EFCAB11: variants seen among roughly 807,000 people sequenced by gnomAD.
EFCAB11 encodes the protein EF-hand calcium-binding domain-containing protein 11.
Under a neutral mutation model 23.0 loss-of-function variants are expected in EFCAB11, and 14 were observed. That is an observed-to-expected ratio of 0.61 (90% CI 0.40 to 0.95). EFCAB11 has a LOEUF of 0.95. EFCAB11 is among the 40% of genes least tolerant of loss of function. The pLI is 0.00. For synonymous variants in EFCAB11, 65 were observed against 66.6 expected, an observed-to-expected ratio of 0.98 and a Z score of 0.11; for missense variants, 198 against 195.8, an observed-to-expected ratio of 1.01 and a Z score of -0.07.
intron 5 of EFCAB11, chr14:89,924,228 T>C (rs2042459643): frequency 1.0e-6 from 1 of 990,124 alleles, no homozygotes; most frequent in African/African-American, 1.7e-5. Flanking sequence ...TCCTATGTCC[T>C]TTGACCTTCC....
chr14:89,950,437 T>C (rs1001521950), intron 2 of EFCAB11, among the ~76,000 whole-genome samples: 4 of 152,198 alleles, frequency 2.6e-5, no homozygotes, highest in African/African-American at 9.6e-5. Context: ...TAATATAATC[T>C]AACAGGCAGG....
intron 5 of EFCAB11, among the ~76,000 whole-genome samples, chr14:89,798,111 T>C (rs1885637115): frequency 6.6e-6 from 1 of 152,218 alleles, no homozygotes; most frequent in African/African-American, 2.4e-5. Flanking sequence ...AAGCAAAGAC[T>C]GGCCCAAGCA....
At chr14:89,927,983 A>G (rs937843060) in intron 5 of EFCAB11, among the ~76,000 whole-genome samples, 2 of 152,184 alleles carry the variant, frequency 1.3e-5, no homozygotes, top group African/African-American at 2.4e-5. Flanking sequence ...TCGGCCTCCC[A>G]AAGTGCTGGG....
intron 5 of EFCAB11, among the ~76,000 whole-genome samples, chr14:89,897,249 C>T (rs1229642648): frequency 2.0e-5 from 3 of 149,624 alleles, no homozygotes; most frequent in Admixed American, 1.3e-4. Flanking sequence ...GCTCTGTCAC[C>T]CAGGCTGGAG....
chr14:89,835,070 T>C (rs1211566427), intron 5 of EFCAB11, among the ~76,000 whole-genome samples: 1 of 152,176 alleles, frequency 6.6e-6, no homozygotes, highest in African/African-American at 2.4e-5. Context: ...TTTGATGACT[T>C]CTATTTTCTT....
intron 5 of EFCAB11, among the ~76,000 whole-genome samples, chr14:89,925,091 G>A (rs1017262956): frequency 6.6e-6 from 1 of 152,228 alleles, no homozygotes; most frequent in East Asian, 1.9e-4. Context: ...ACAATGCAGA[G>A]AAAGAAAGGC....
In EFCAB11 at chr14:89,871,609, T is replaced by C. The variant is rs891387176; in HGVS notation, c.410+59932A>G. Among the ~76,000 whole-genome samples the C allele has an allele frequency of 3.9e-5, 6 of 152,212 alleles. No individual in the cohort carries two copies. In the South Asian group the frequency reaches 8.3e-4, roughly 21 times the overall value. On this transcript the variant is annotated intron_variant, in intron 5 of 5. Transcript: ENST00000316738. ...CCCCTACTTTGCATTATCCTATAATTTGCACCTTTTCCTCCCAAATCTGCC... is the reference window on the plus strand; with the variant it reads ...CCCCTACTTTGCATTATCCTATAATCTGCACCTTTTCCTCCCAAATCTGCC...
At chr14:89,870,790 A>T (rs1337677613) in intron 5 of EFCAB11, among the ~76,000 whole-genome samples, 1 of 139,126 alleles carries the variant, frequency 7.2e-6, no homozygotes, top group African/African-American at 2.8e-5. Flanking sequence ...AAAAAAAAAA[A>T]ATTAGCCAGG....
At chr14:89,933,322 C>T (rs888307098) in intron 3 of EFCAB11, among the ~76,000 whole-genome samples, 5 of 152,092 alleles carry the variant, frequency 3.3e-5, no homozygotes, top group Non-Finnish European at 5.9e-5. Flanking sequence ...GTTTAAAGAG[C>T]GAAGCCAAGA....
intron 5 of EFCAB11, among the ~76,000 whole-genome samples, chr14:89,928,832 T>C (rs2139802934): frequency 6.8e-6 from 1 of 147,426 alleles, no homozygotes; most frequent in South Asian, 2.1e-4. Flanking sequence ...ATTAAATAAT[T>C]ATATATTACA....
intron 5 of EFCAB11, among the ~76,000 whole-genome samples, chr14:89,909,480 G>A (rs1270080537): frequency 6.9e-6 from 1 of 145,098 alleles, no homozygotes; most frequent in Admixed American, 6.8e-5. Flanking sequence ...TTGGGAGGCT[G>A]AGGCAGGGAG....
rs563792295 is a variant in EFCAB11, at chr14:89,881,213, T to C, written c.410+50328A>G. ...TGCCATTTAATGTTACAGAACAAAATTGTCTACTTCACACCATATCCCCAA... is the reference window on the plus strand; with the variant it reads ...TGCCATTTAATGTTACAGAACAAAACTGTCTACTTCACACCATATCCCCAA... On this transcript the variant is annotated intron_variant, in intron 5 of 5. Coordinates refer to ENST00000316738, the MANE Select transcript of EFCAB11 (RefSeq NM_145231.4). Among the ~76,000 whole-genome samples the C allele has an allele frequency of 4.1e-3, 626 of 151,674 alleles. 3 individuals are homozygous for C. Among genetic ancestry groups the C allele is most frequent in the Non-Finnish European group, 6.4e-3 (434 of 67,908 alleles).
intron 5 of EFCAB11, among the ~76,000 whole-genome samples, chr14:89,908,002 A>AT (rs1790924746): frequency 6.6e-6 from 1 of 152,178 alleles, no homozygotes; most frequent in Non-Finnish European, 1.5e-5. Context: ...TCAGCTAGCT[A>AT]TTTTTATCAC....
At chr14:89,858,033 G>A (rs1887808286) in intron 5 of EFCAB11, among the ~76,000 whole-genome samples, 1 of 152,194 alleles carries the variant, frequency 6.6e-6, no homozygotes, top group South Asian at 2.1e-4. Flanking sequence ...GAATCTAATG[G>A]TACAGGCTGT....
rs148649848 is a variant in EFCAB11 at position 89,852,381 on chromosome 14, T to C, written c.411-55057A>G. 6.4e-3 allele frequency among the ~76,000 whole-genome samples: 976 copies of C among 152,280 alleles called. 1 individual carries two copies. Among genetic ancestry groups the C allele is most frequent in the Non-Finnish European group, 0.011 (730 of 68,018 alleles). The stretch of plus-strand genomic sequence containing the variant: ...CAGCTGCTGGAGTGTTACCTGCTGA[T>C]TGTTCTCAGCTAAGAACCTCCTGAG... On this transcript the variant is annotated intron_variant, in intron 5 of 5. Transcript: ENST00000316738.
At chr14:89,937,633 C>T (rs1008360930) in intron 3 of EFCAB11, among the ~76,000 whole-genome samples, 1 of 152,166 alleles carries the variant, frequency 6.6e-6, no homozygotes, top group African/African-American at 2.4e-5. Flanking sequence ...TCAAGCGATT[C>T]TACTGCCTCA....
intron 5 of EFCAB11, among the ~76,000 whole-genome samples, chr14:89,873,281 C>T (rs1888339231): frequency 6.6e-6 from 1 of 152,044 alleles, no homozygotes; most frequent in South Asian, 2.1e-4. Flanking sequence ...ATCACAAGAA[C>T]AATATGGGAA....
intron 2 of EFCAB11, chr14:89,952,245 C>G (rs1891196445): frequency 9.4e-6 from 3 of 319,966 alleles, no homozygotes; most frequent in Non-Finnish European, 1.4e-5. Context: ...AAAACCTCAC[C>G]TCAATATGAA....
intron 5 of EFCAB11, among the ~76,000 whole-genome samples, chr14:89,879,400 T>C (rs562931357): frequency 6.6e-6 from 1 of 152,234 alleles, no homozygotes; most frequent in South Asian, 2.1e-4. Context: ...AACTATGCTA[T>C]AATCCTATAA....
Sources: gnomAD v4.1 joint callset for allele counts (sites outside exome capture counted in the v4.1 genomes callset) on GRCh38, gnomAD v4.1.1 for gene constraint, MANE v1.5 for transcripts, NCBI Gene and HGNC (gene_info 2026-07-23, HGNC 2026-07-21) for gene names.